The following SETD4 variants were observed in gnomAD, a reference collection of about 807,000 sequenced individuals.
SETD4 encodes the protein SET domain containing 4, also known as SET domain-containing protein 4.
In SETD4, 46 loss-of-function variants were observed where a neutral mutation model predicts 58.3. The observed-to-expected ratio is 0.79, with a 90% CI of 0.62 to 1.01. The LOEUF (loss-of-function observed/expected upper bound fraction) is 1.01, where lower values mean the gene tolerates loss of function less well. Among genes scored for constraint, SETD4 ranks in the 50% least tolerant of loss-of-function variants. The probability of loss-of-function intolerance (pLI) is 0.00; values close to 1 mark genes in which losing one functional copy is unlikely to be tolerated. For missense variants in SETD4, 490 were observed against 523.3 expected (o/e 0.94, Z 0.62); for synonymous variants, 190 against 202.6 (o/e 0.94, Z 0.53).
chr21:36,036,004 G>C (rs1207411531), intron 11 of SETD4, 44 bp from the exon 12 acceptor site: 5 of 1,331,296 alleles, frequency 3.8e-6, no homozygotes, highest in Non-Finnish European at 3.2e-6. Flanking sequence ...CCTAATTGTT[G>C]AGTAGACACA....
intron 8 of SETD4, among the ~76,000 whole-genome samples, chr21:36,041,159 C>CAAAAA (rs35920101): frequency 7.5e-5 from 3 of 40,032 alleles, no homozygotes; most frequent in Non-Finnish European, 1.2e-4. Context: ...GACTCCTTCT[C>CAAAAA]AAAAAAAAAA....
chr21:36,050,176 A>C, intron 4 of SETD4: 1 of 1,034,994 alleles, frequency 9.7e-7, no homozygotes, highest in Non-Finnish European at 1.5e-6. Flanking sequence ...TGTTACATCC[A>C]AGAGGAAACA....
At chr21:36,057,027 A>G in intron 3 of SETD4, 82 bp downstream of exon 3, 1 of 1,069,324 alleles carries the variant, frequency 9.4e-7, no homozygotes, top group Non-Finnish European at 1.5e-6. Context: ...ATATCTGCTG[A>G]GGCCCACCTG....
At chr21:36,046,397 T>C (rs1020344451) in intron 5 of SETD4, among the ~76,000 whole-genome samples, 27 of 152,124 alleles carry the variant, frequency 1.8e-4, no homozygotes, top group African/African-American at 6.5e-4. Context: ...GAAAAAATGG[T>C]GGAAAGAACT....
At chr21:36,058,520 AAG>A (rs377182784) in intron 2 of SETD4, among the ~76,000 whole-genome samples, 51,113 of 137,206 alleles carry the variant, frequency 0.37, 8,839 homozygotes, top group Admixed American at 0.41. Flanking sequence ...AAAAAAAAAA[AAG>A]AAAGATTCTC....
intron 3 of SETD4, among the ~76,000 whole-genome samples, chr21:36,054,594 G>T (rs1424622896): frequency 6.6e-6 from 1 of 151,988 alleles, no homozygotes; most frequent in African/African-American, 2.4e-5. Context: ...CCGGCTCATG[G>T]TGGGAATTCC....
At chr21:36,050,895 C>A (rs2064645505) in intron 4 of SETD4, 5 of 1,610,448 alleles carry the variant, frequency 3.1e-6, no homozygotes. Context: ...TGGGAGAATG[C>A]AAAGCAACTG....
intron 1 of SETD4, chr21:36,059,786 T>C: frequency 2.0e-6 from 2 of 985,458 alleles, no homozygotes; most frequent in Non-Finnish European, 2.4e-6. Context: ...GCAATATTAA[T>C]ACCGCACTTC....
At chr21:36,038,075 C>A in intron 10 of SETD4, 75 bp downstream of exon 10, 1 of 1,484,854 alleles carries the variant, frequency 6.7e-7, no homozygotes, top group South Asian at 1.3e-5. Context: ...ATGCACTATC[C>A]CTAATAACAT....
intron 8 of SETD4, among the ~76,000 whole-genome samples, chr21:36,041,574 A>G (rs570111721): frequency 6.6e-6 from 1 of 152,140 alleles, no homozygotes; most frequent in Non-Finnish European, 1.5e-5. Flanking sequence ...CCATAATTTA[A>G]TATTTCTAGC....
chr21:36,048,849 C>G (rs1048578395), intron 4 of SETD4, among the ~76,000 whole-genome samples: 12 of 151,838 alleles, frequency 7.9e-5, no homozygotes, highest in African/African-American at 2.9e-4. Context: ...TCCCAAGCAG[C>G]TGGGATTACA....
intron 2 of SETD4, chr21:36,057,416 G>C (rs751021204): frequency 7.0e-6 from 5 of 710,150 alleles, no homozygotes; most frequent in Admixed American, 2.0e-5. Flanking sequence ...AGGCCAAGGC[G>C]GGAGGACTGC....
chr21:36,060,205 A>G, intron 1 of SETD4, 142 bp downstream of exon 1: 1 of 850,008 alleles, frequency 1.2e-6, no homozygotes, highest in African/African-American at 1.8e-5. Flanking sequence ...CGCACACGAT[A>G]ATGCCTGCCC....
chr21:36,039,979 G>T (rs936587021), intron 9 of SETD4, among the ~76,000 whole-genome samples: 2 of 152,220 alleles, frequency 1.3e-5, no homozygotes, highest in Admixed American at 6.5e-5. Context: ...AAGGTTGAAG[G>T]CTGCTCTCCC....
At chr21:36,054,602 T>C (rs1330293389) in intron 3 of SETD4, among the ~76,000 whole-genome samples, 2 of 152,098 alleles carry the variant, frequency 1.3e-5, no homozygotes, top group Non-Finnish European at 2.9e-5. Context: ...TGGTGGGAAT[T>C]CCTGCCTCAA....
At chr21:36,051,908 G>A (rs567741612) in intron 4 of SETD4, among the ~76,000 whole-genome samples, 1 of 152,096 alleles carries the variant, frequency 6.6e-6, no homozygotes, top group Admixed American at 6.5e-5. Context: ...CTTTTACTGG[G>A]ATTTCTTATT....
At chr21:36,057,046 G>GC in intron 3 of SETD4, 63 bp downstream of exon 3, 1 of 1,286,662 alleles carries the variant, frequency 7.8e-7, no homozygotes, top group Non-Finnish European at 1.1e-6. Flanking sequence ...TGCAAGAGTG[G>GC]CCCCTGCTGT....
intron 1 of SETD4, chr21:36,060,110 G>C (rs552882909): frequency 3.0e-6 from 3 of 985,498 alleles, no homozygotes; most frequent in African/African-American, 3.5e-5. Flanking sequence ...ATCGGACCTC[G>C]GGCCTCAGGC....
At chr21:36,050,863 C>A (rs1056500631) in intron 4 of SETD4, 2 of 1,610,842 alleles carry the variant, frequency 1.2e-6, no homozygotes, top group East Asian at 4.5e-5. Context: ...GTGGTTGGCA[C>A]CATGTTACAT....
Sources: gnomAD v4.1 joint callset for allele counts (sites outside exome capture counted in the v4.1 genomes callset) on GRCh38, gnomAD v4.1.1 for gene constraint, MANE v1.5 for transcripts, NCBI Gene and HGNC (gene_info 2026-07-23, HGNC 2026-07-21) for gene names.